The following PARP8 variants were observed in gnomAD, a reference collection of about 807,000 sequenced individuals.
PARP8 encodes the protein protein mono-ADP-ribosyltransferase PARP8.
Under a neutral mutation model 124.1 loss-of-function variants are expected in PARP8, and 51 were observed. The ratio of observed to expected loss-of-function variants is 0.41; its 90% CI spans 0.33 to 0.52. PARP8 has a LOEUF of 0.52. Ranked by LOEUF, PARP8 falls within the 20% of genes least tolerant of loss-of-function variation. PARP8 has a pLI of 0.21. For synonymous variants in PARP8, 391 were observed against 361.5 expected (o/e 1.08, Z -0.93); for missense variants, 860 against 1,018.9 (o/e 0.84, Z 2.12).
At chr5:50,822,453 C>A in intron 17 of PARP8, 53 bp downstream of exon 17, 1 of 1,381,234 alleles carries the variant, frequency 7.2e-7, no homozygotes, top group South Asian at 1.2e-5. Context: ...TCTGAGAGTT[C>A]TAGCTATGTA....
chr5:50,801,350 C>T (rs1425235918), intron 14 of PARP8, among the ~76,000 whole-genome samples: 1 of 152,016 alleles, frequency 6.6e-6, no homozygotes, highest in African/African-American at 2.4e-5. Context: ...CCGCCCACCT[C>T]GGCCTTCCAA....
intron 1 of PARP8, 102 bp downstream of exon 1, chr5:50,667,288 C>A: frequency 8.1e-7 from 1 of 1,231,984 alleles, no homozygotes; most frequent in African/African-American, 1.5e-5. Context: ...TGCACGTCCC[C>A]ATTCTGGGGT....
chr5:50,834,272 G>T (rs1480876256), intron 24 of PARP8, among the ~76,000 whole-genome samples: 2 of 152,182 alleles, frequency 1.3e-5, no homozygotes, highest in South Asian at 4.2e-4. Context: ...TTTTATTTCT[G>T]GCAGATATTT....
At chr5:50,768,813 C>T (rs1430833143) in intron 7 of PARP8, among the ~76,000 whole-genome samples, 3 of 152,164 alleles carry the variant, frequency 2.0e-5, no homozygotes, top group Non-Finnish European at 2.9e-5. Context: ...ACTGTAATCA[C>T]GCTTTGTAAT....
chr5:50,830,660 ATT>A lies in PARP8; in HGVS notation c.2233+700_2233+701del, dbSNP rs1337310822. 1.0e-3 allele frequency among the ~76,000 whole-genome samples: 154 copies of A among 152,342 alleles called. 2 individuals are homozygous for A. Among genetic ancestry groups the A allele is most frequent in the African/African-American group, 3.7e-3 (153 of 41,574 alleles). On this transcript the variant is annotated intron_variant, in intron 22 of 25. Transcript: ENST00000281631. ...GTTTAAATATAAAATAATTATGCTC[ATT>A]GTATAAATTCAAGCTACACAGAATT...
chr5:50,717,187 A>T (rs1755401843), intron 2 of PARP8, among the ~76,000 whole-genome samples: 1 of 152,098 alleles, frequency 6.6e-6, no homozygotes, highest in South Asian at 2.1e-4. Flanking sequence ...AATTATTTGG[A>T]AAAACGAAGT....
At position 50,846,473 on chromosome 5, in the gene PARP8, A is replaced by G. The variant is rs1027133707; in HGVS notation, c.*4405A>G. On this transcript the variant is annotated 3_prime_UTR_variant, in exon 26 of 26. Coordinates refer to ENST00000281631, the MANE Select transcript of PARP8 (RefSeq NM_024615.4). ...AGCTTTGTAATAGTTCCAACATTGTAGCGAATGTAAATGTTTACTTTCAAT... is the reference window on the plus strand; with the variant it reads ...AGCTTTGTAATAGTTCCAACATTGTGGCGAATGTAAATGTTTACTTTCAAT... The G allele has an allele frequency of 1.3e-5, 2 of 151,746 alleles. No homozygotes were observed. The highest frequency in any genetic ancestry group is 3.0e-5 in the Non-Finnish European group (2 of 67,796). 9.4% of individuals were successfully genotyped at this position (151,746 alleles called of 1,614,324 possible).
intron 17 of PARP8, 148 bp from the exon 18 acceptor site, chr5:50,824,760 C>T: frequency 1.6e-6 from 1 of 632,576 alleles, no homozygotes; most frequent in Non-Finnish European, 2.8e-6. Flanking sequence ...GGAGAAAAGA[C>T]TAGGGCAATT....
At chr5:50,749,935 C>T (rs1308087718) in intron 2 of PARP8, among the ~76,000 whole-genome samples, 1 of 152,080 alleles carries the variant, frequency 6.6e-6, no homozygotes, top group African/African-American at 2.4e-5. Context: ...AACTGTTAGA[C>T]TAAGACCCAT....
intron 19 of PARP8, 148 bp downstream of exon 19, chr5:50,826,951 C>A: frequency 8.5e-7 from 1 of 1,176,938 alleles, no homozygotes; most frequent in Non-Finnish European, 1.2e-6. Flanking sequence ...TTGAAATAGC[C>A]ATTGCTCACT....
intron 2 of PARP8, among the ~76,000 whole-genome samples, chr5:50,713,550 A>G (rs893660435): frequency 5.3e-5 from 8 of 151,952 alleles, no homozygotes; most frequent in African/African-American, 1.9e-4. Flanking sequence ...TATTATTATT[A>G]TTTGGATAAT....
chr5:50,733,034 G>T (rs1757131572), intron 2 of PARP8, among the ~76,000 whole-genome samples: 1 of 151,804 alleles, frequency 6.6e-6, no homozygotes, highest in South Asian at 2.1e-4. Context: ...GGGCGCGGTG[G>T]CTCATGCCTG....
At chr5:50,803,739 T>G (rs1743495908) in intron 14 of PARP8, among the ~76,000 whole-genome samples, 1 of 152,174 alleles carries the variant, frequency 6.6e-6, no homozygotes. Context: ...CTCTTGAACG[T>G]TTTAAGTATA....
chr5:50,785,775 G>GGGGATACCA (rs1741179804), intron 9 of PARP8, among the ~76,000 whole-genome samples: 1 of 152,138 alleles, frequency 6.6e-6, no homozygotes, highest in Admixed American at 6.6e-5. Flanking sequence ...GTGGCCAACA[G>GGGGATACCA]GGGATACCAT....
intron 2 of PARP8, among the ~76,000 whole-genome samples, chr5:50,673,431 C>T (rs6859621): frequency 0.069 from 10,475 of 152,140 alleles, 402 homozygotes; most frequent in Middle Eastern, 0.11. Flanking sequence ...TATTAAGCAT[C>T]GTCTCTGCTG....
At chr5:50,695,282 G>T (rs2149466799) in intron 2 of PARP8, among the ~76,000 whole-genome samples, 1 of 152,302 alleles carries the variant, frequency 6.6e-6, no homozygotes, top group South Asian at 2.1e-4. Context: ...TGAATTGTCA[G>T]TCATCATGTA....
intron 2 of PARP8, among the ~76,000 whole-genome samples, chr5:50,703,378 A>G (rs1561265539): frequency 6.6e-6 from 1 of 152,218 alleles, no homozygotes; most frequent in South Asian, 2.1e-4. Context: ...TTTCTGATTA[A>G]GAAATAATTT....
chr5:50,747,926 C>G (rs1264202970), intron 2 of PARP8, among the ~76,000 whole-genome samples: 2 of 151,562 alleles, frequency 1.3e-5, no homozygotes, highest in African/African-American at 4.8e-5. Context: ...GCGCCTGCCA[C>G]CGCGCCCGGC....
At chr5:50,793,886 G>C (rs1742238305) in intron 10 of PARP8, among the ~76,000 whole-genome samples, 1 of 151,794 alleles carries the variant, frequency 6.6e-6, no homozygotes, top group Non-Finnish European at 1.5e-5. Context: ...GATCCTGAAG[G>C]CCGTCTTTAT....
Sources: gnomAD v4.1 joint callset for allele counts (sites outside exome capture counted in the v4.1 genomes callset) on GRCh38, gnomAD v4.1.1 for gene constraint, MANE v1.5 for transcripts, NCBI Gene and HGNC (gene_info 2026-07-23, HGNC 2026-07-21) for gene names.